The following AMBRA1 variants were observed in gnomAD, a reference collection of about 807,000 sequenced individuals.
The protein encoded by AMBRA1 is autophagy and beclin 1 regulator 1, also known as activating molecule in BECN1-regulated autophagy protein 1.
Under a neutral mutation model 125.4 loss-of-function variants are expected in AMBRA1, and 47 were observed. The observed-to-expected ratio is 0.37, with a 90% CI of 0.30 to 0.48. AMBRA1 has a LOEUF of 0.48. AMBRA1 is among the 20% of genes least tolerant of loss of function. The pLI, the probability that AMBRA1 is intolerant of heterozygous loss-of-function variation, is 0.99. For missense variants in AMBRA1, 1,331 were observed against 1,693.4 expected, an observed-to-expected ratio of 0.79 and a Z score of 3.76; for synonymous variants, 626 against 655.5, an observed-to-expected ratio of 0.95 and a Z score of 0.69.
Position 46,431,633 on chromosome 11 carries a change from T to C in AMBRA1, c.2976+1841A>G, listed in dbSNP as rs555939768. Among the ~76,000 whole-genome samples the C allele has an allele frequency of 5.9e-5, 9 of 152,354 alleles. 1 individual carries two copies. The East Asian group carries it at 1.3e-3, about 23-fold the overall frequency. On this transcript the variant is annotated intron_variant, in intron 14 of 17. Transcript: ENST00000683756. ...GTCTGTCAGAGCTACCAACATCAGA[T>C]TCTGTCTCTTAATGATTTAAACGAT...
intron 10 of AMBRA1, 33 bp from the exon 11 acceptor site, chr11:46,493,741 T>C (rs1950542904): frequency 6.5e-7 from 1 of 1,538,788 alleles, no homozygotes; most frequent in African/African-American, 1.4e-5. Context: ...AAAAGCTGAC[T>C]AAAGACTACC....
At chr11:46,464,817 C>A (rs138238638) in intron 11 of AMBRA1, among the ~76,000 whole-genome samples, 10 of 151,974 alleles carry the variant, frequency 6.6e-5, no homozygotes, top group African/African-American at 2.4e-4. Context: ...GAGGCCAAGG[C>A]AGTCGGATCA....
At chr11:46,443,696 G>T (rs1948128273) in intron 11 of AMBRA1, 98 bp from the exon 12 acceptor site, 2 of 1,025,476 alleles carry the variant, frequency 2.0e-6, no homozygotes. Flanking sequence ...GGGGAGAGAA[G>T]AGGAAAAACT....
chr11:46,516,304 T>C (rs1951478856), intron 7 of AMBRA1, among the ~76,000 whole-genome samples: 1 of 151,954 alleles, frequency 6.6e-6, no homozygotes, highest in Admixed American at 6.6e-5. Flanking sequence ...ATACGAGTAC[T>C]ATCTGGAGTA....
chr11:46,478,997 A>C (rs1949945545), intron 11 of AMBRA1, among the ~76,000 whole-genome samples: 2 of 152,130 alleles, frequency 1.3e-5, no homozygotes, highest in Non-Finnish European at 2.9e-5. Context: ...CCAAGAGTTT[A>C]AGACCAGTCT....
At chr11:46,589,356 A>G (rs2044510979) in intron 1 of AMBRA1, among the ~76,000 whole-genome samples, 4 of 152,224 alleles carry the variant, frequency 2.6e-5, no homozygotes, top group Admixed American at 2.6e-4. Flanking sequence ...CAGCATTTCT[A>G]TACAAACAGA....
chr11:46,545,139 T>A (rs1164559716), intron 5 of AMBRA1, among the ~76,000 whole-genome samples: 1 of 82,924 alleles, frequency 1.2e-5, no homozygotes, highest in Admixed American at 1.8e-4. Flanking sequence ...AGACCCTGTC[T>A]CCTTAAAAAA....
At chr11:46,505,667 C>A (rs2135025312) in intron 9 of AMBRA1, among the ~76,000 whole-genome samples, 2 of 101,406 alleles carry the variant, frequency 2.0e-5, no homozygotes, top group East Asian at 3.1e-4. Context: ...ATGCTAAAGC[C>A]AGGGGAGGGG....
chr11:46,439,277 AAAT>A (rs1253303833), intron 12 of AMBRA1, among the ~76,000 whole-genome samples: 4 of 152,188 alleles, frequency 2.6e-5, no homozygotes, highest in South Asian at 2.1e-4. Context: ...CTGTGTCTAA[AAAT>A]AATAATAAGT....
At chr11:46,453,268 T>G (rs1948704178) in intron 11 of AMBRA1, among the ~76,000 whole-genome samples, 1 of 152,126 alleles carries the variant, frequency 6.6e-6, no homozygotes, top group Admixed American at 6.5e-5. Flanking sequence ...TCACTTTTTT[T>G]TTTTTCTTCC....
At chr11:46,482,536 C>G (rs1001082810) in intron 11 of AMBRA1, among the ~76,000 whole-genome samples, 4 of 152,196 alleles carry the variant, frequency 2.6e-5, no homozygotes, top group African/African-American at 9.7e-5. Context: ...ATAAATGTCC[C>G]TCACATGTTT....
intron 17 of AMBRA1, among the ~76,000 whole-genome samples, chr11:46,403,735 G>A (rs1189553960): frequency 1.3e-5 from 2 of 152,154 alleles, no homozygotes; most frequent in Non-Finnish European, 2.9e-5. Context: ...GGCTCCTCCT[G>A]GAAGGCCTGG....
intron 1 of AMBRA1, among the ~76,000 whole-genome samples, chr11:46,580,960 T>A (rs1265248902): frequency 6.6e-6 from 1 of 151,888 alleles, no homozygotes; most frequent in Non-Finnish European, 1.5e-5. Flanking sequence ...CCCAGCTAAT[T>A]TTTTTGTACT....
intron 14 of AMBRA1, chr11:46,428,845 G>T: frequency 6.2e-6 from 10 of 1,611,642 alleles, no homozygotes; most frequent in South Asian, 1.1e-5. Context: ...GCCGAGGCCT[G>T]CCAGTCTCTG....
At chr11:46,456,320 G>C (rs1259647387) in intron 11 of AMBRA1, among the ~76,000 whole-genome samples, 1 of 152,194 alleles carries the variant, frequency 6.6e-6, no homozygotes, top group African/African-American at 2.4e-5. Context: ...AGGTGGATAA[G>C]AGTATTAAGA....
chr11:46,543,466 A>G (rs536872763), intron 6 of AMBRA1, 68 bp from the exon 7 acceptor site: 1 of 1,557,078 alleles, frequency 6.4e-7, no homozygotes, highest in South Asian at 1.2e-5. Context: ...CAAGTAAATC[A>G]AGAAAAACTA....
chr11:46,580,834 C>T (rs968135049), intron 1 of AMBRA1, among the ~76,000 whole-genome samples: 5 of 152,096 alleles, frequency 3.3e-5, no homozygotes, highest in East Asian at 1.9e-4. Flanking sequence ...CTCTGTCACC[C>T]GGCCTGGAGT....
intron 17 of AMBRA1, among the ~76,000 whole-genome samples, chr11:46,402,387 A>T (rs1301882374): frequency 6.6e-6 from 1 of 152,044 alleles, no homozygotes; most frequent in Non-Finnish European, 1.5e-5. Flanking sequence ...TTTGAGACGG[A>T]GTCTTGCTCT....
chr11:46,488,891 T>C (rs1950358936), intron 11 of AMBRA1, among the ~76,000 whole-genome samples: 2 of 152,118 alleles, frequency 1.3e-5, no homozygotes, highest in Admixed American at 1.3e-4. Context: ...GTGACACCGT[T>C]CAGTAAAAAG....
Sources: gnomAD v4.1 joint callset for allele counts (sites outside exome capture counted in the v4.1 genomes callset) on GRCh38, gnomAD v4.1.1 for gene constraint, MANE v1.5 for transcripts, NCBI Gene and HGNC (gene_info 2026-07-23, HGNC 2026-07-21) for gene names.